Variants in FOXP1 observed in about 807,000 individuals in gnomAD.
FOXP1 encodes forkhead box P1.
Under a neutral mutation model 98.2 loss-of-function variants are expected in FOXP1, and 15 were observed. The observed-to-expected ratio is 0.15, with a 90% CI of 0.10 to 0.24. FOXP1 has a LOEUF of 0.24. Among genes scored for constraint, FOXP1 ranks in the 10% least tolerant of loss-of-function variants. The probability of loss-of-function intolerance (pLI) is 1.00; values close to 1 mark genes in which losing one functional copy is unlikely to be tolerated. For synonymous variants in FOXP1, 371 were observed against 314.5 expected (o/e 1.18, Z -1.90); for missense variants, 633 against 848.5 (o/e 0.75, Z 3.15).
chr3:71,540,274 C>T (rs950300297), intron 2 of FOXP1, among the ~76,000 whole-genome samples: 73 of 152,164 alleles, frequency 4.8e-4, no homozygotes, highest in African/African-American at 1.7e-3. Context: ...AGAGGAAGCA[C>T]CTGAGCTTTT....
In FOXP1 at chr3:71,581,668, C is replaced by T. The variant is rs2048180338; in HGVS notation, c.-417G>A. The stretch of plus-strand genomic sequence containing the variant: ...CCGGCCCGCTCGCTCGCTCGCCGCG[C>T]GCTCTCTTCCTCTTACAAACTTTCG... On this transcript the variant is annotated 5_prime_UTR_variant, in exon 2 of 21. Coordinates refer to ENST00000649528, the MANE Select transcript of FOXP1 (RefSeq NM_001349338.3). The T allele has an allele frequency of 7.1e-6, 7 of 985,858 alleles. No homozygotes were observed. Among genetic ancestry groups the T allele is most frequent in the Non-Finnish European group, 8.4e-6 (7 of 830,098 alleles). 61.1% of individuals were successfully genotyped at this position (985,858 alleles called of 1,614,324 possible). A position where few individuals can be genotyped will look rare whatever the true frequency, so the allele number is the denominator to read the frequency against.
intron 2 of FOXP1, among the ~76,000 whole-genome samples, chr3:71,559,314 T>A (rs1259168208): frequency 2.0e-5 from 3 of 152,236 alleles, no homozygotes; most frequent in Non-Finnish European, 4.4e-5. Context: ...AACATGGGAA[T>A]GAAAACTGAT....
intron 5 of FOXP1, among the ~76,000 whole-genome samples, chr3:71,219,100 C>G (rs2065159419): frequency 6.6e-6 from 1 of 152,134 alleles, no homozygotes; most frequent in South Asian, 2.1e-4. Flanking sequence ...CTTTTATTTC[C>G]CATCTTACCA....
At chr3:71,064,936 G>A (rs1252338673) in intron 7 of FOXP1, 1 of 297,442 alleles carries the variant, frequency 3.4e-6, no homozygotes, top group Non-Finnish European at 4.9e-6. Context: ...CGCGCGCAGG[G>A]GCGCTCCGGC....
At chr3:71,291,582 G>A (rs534014011) in intron 5 of FOXP1, among the ~76,000 whole-genome samples, 1 of 152,170 alleles carries the variant, frequency 6.6e-6, no homozygotes, top group East Asian at 1.9e-4. Flanking sequence ...CCAACCTGCA[G>A]AAAGAACTAC....
Position 71,147,525 on chromosome 3 carries a change from C to T in FOXP1, c.181-34888G>A, listed in dbSNP as rs2060367986. 2.0e-5 allele frequency among the ~76,000 whole-genome samples: 3 copies of T among 152,206 alleles called. No individual in the cohort carries two copies. The South Asian group carries it at 6.2e-4, about 31-fold the overall frequency. ...TATCACCTCAGAGGTAACATCCTCT[C>T]CACCATTAATGCCCCCCATCATTCT... On this transcript the variant is annotated intron_variant, in intron 6 of 20. Transcript: ENST00000649528.
chr3:71,130,934 C>A, intron 6 of FOXP1: 1 of 1,277,628 alleles, frequency 7.8e-7, no homozygotes, highest in South Asian at 2.4e-5. Flanking sequence ...CTGGCTAGAC[C>A]AAGCCCTAGC....
At chr3:71,544,011 G>GTATACACACA (rs530144058) in intron 2 of FOXP1, among the ~76,000 whole-genome samples, 5 of 80,612 alleles carry the variant, frequency 6.2e-5, no homozygotes, top group Non-Finnish European at 1.2e-4. Flanking sequence ...ATGTATGTGT[G>GTATACACACA]TATACACACA....
chr3:71,400,831 T>A (rs542982963), intron 3 of FOXP1, among the ~76,000 whole-genome samples: 1 of 152,286 alleles, frequency 6.6e-6, no homozygotes, highest in South Asian at 2.1e-4. Flanking sequence ...AGAACCCCCC[T>A]GCAATTTTTT....
chr3:71,350,261 T>G (rs2077692563), intron 4 of FOXP1, among the ~76,000 whole-genome samples: 1 of 152,182 alleles, frequency 6.6e-6, no homozygotes, highest in Admixed American at 6.5e-5. Flanking sequence ...ATATAGGGTT[T>G]AATCCTACTA....
intron 3 of FOXP1, among the ~76,000 whole-genome samples, chr3:71,374,491 G>A (rs2079565200): frequency 6.6e-6 from 1 of 152,100 alleles, no homozygotes; most frequent in South Asian, 2.1e-4. Context: ...TACTTGGGAG[G>A]CTGAGGCAGA....
chr3:71,311,719 T>A (rs2074696732), intron 4 of FOXP1, among the ~76,000 whole-genome samples: 1 of 152,176 alleles, frequency 6.6e-6, no homozygotes. Context: ...ACATCCCAAC[T>A]TTATTAGTCC....
chr3:70,973,214 C>A (rs879691881), intron 17 of FOXP1, among the ~76,000 whole-genome samples: 3 of 151,652 alleles, frequency 2.0e-5, no homozygotes, highest in African/African-American at 4.8e-5. Flanking sequence ...GTCAAAGGAT[C>A]GGGGGGTGGT....
At chr3:70,973,848 C>A (rs1361333090) in intron 17 of FOXP1, among the ~76,000 whole-genome samples, 6 of 103,782 alleles carry the variant, frequency 5.8e-5, no homozygotes, top group African/African-American at 1.5e-4. Context: ...CCCCCCCCCC[C>A]ACCCCCCAAC....
At chr3:71,084,716 C>T (rs1460757583) in intron 7 of FOXP1, among the ~76,000 whole-genome samples, 1 of 152,136 alleles carries the variant, frequency 6.6e-6, no homozygotes, top group Non-Finnish European at 1.5e-5. Flanking sequence ...TTGCTTTCTC[C>T]TAAATAAAAT....
chr3:71,583,281 G>A (rs1323036580), intron 1 of FOXP1, among the ~76,000 whole-genome samples: 1 of 152,074 alleles, frequency 6.6e-6, no homozygotes, highest in South Asian at 2.1e-4. Flanking sequence ...AACCCAAAGG[G>A]TGCGGGCGCC....
At chr3:71,457,414 C>T (rs1474362383) in intron 3 of FOXP1, among the ~76,000 whole-genome samples, 1 of 152,184 alleles carries the variant, frequency 6.6e-6, no homozygotes, top group Non-Finnish European at 1.5e-5. Flanking sequence ...AACAAATCCT[C>T]TCTTTCTGCC....
intron 6 of FOXP1, among the ~76,000 whole-genome samples, chr3:71,189,391 G>A (rs975419417): frequency 1.3e-5 from 2 of 152,154 alleles, no homozygotes; most frequent in African/African-American, 4.8e-5. Context: ...AACTGTCAAA[G>A]GCTAAATGGA....
intron 13 of FOXP1, among the ~76,000 whole-genome samples, chr3:71,000,519 C>T (rs979682996): frequency 6.6e-6 from 1 of 152,094 alleles, no homozygotes; most frequent in African/African-American, 2.4e-5. Context: ...CGCTCTTTCT[C>T]TCTTCATTCA....
Sources: gnomAD v4.1 joint callset for allele counts (sites outside exome capture counted in the v4.1 genomes callset) on GRCh38, gnomAD v4.1.1 for gene constraint, MANE v1.5 for transcripts, NCBI Gene and HGNC (gene_info 2026-07-23, HGNC 2026-07-21) for gene names.